Variants in RNF24 observed in about 807,000 individuals in gnomAD.
RNF24 encodes ring finger protein 24.
In RNF24, 14 loss-of-function variants were observed where a neutral mutation model predicts 20.0. The ratio of observed to expected loss-of-function variants is 0.70; its 90% CI spans 0.46 to 1.10. The LOEUF (loss-of-function observed/expected upper bound fraction) is 1.10. Among genes scored for constraint, RNF24 ranks in the 50% least tolerant of loss-of-function variants. RNF24 has a pLI of 0.00. For missense variants in RNF24, 124 were observed against 177.6 expected, an observed-to-expected ratio of 0.70 and a Z score of 1.71; for synonymous variants, 45 against 61.1, an observed-to-expected ratio of 0.74 and a Z score of 1.23.
chr20:3,984,269 G>A (rs1225195622), intron 1 of RNF24, among the ~76,000 whole-genome samples: 1 of 151,966 alleles, frequency 6.6e-6, no homozygotes, highest in Non-Finnish European at 1.5e-5. Flanking sequence ...GAAAGCTTTT[G>A]GCAAATTAGA....
chr20:3,978,651 G>A (rs1979109207), intron 1 of RNF24, among the ~76,000 whole-genome samples: 1 of 151,814 alleles, frequency 6.6e-6, no homozygotes, highest in Non-Finnish European at 1.5e-5. Context: ...AAATATAGCA[G>A]GCAAGTATAA....
chr20:3,949,509 A>T (rs1452137938), intron 2 of RNF24, among the ~76,000 whole-genome samples: 2 of 151,910 alleles, frequency 1.3e-5, no homozygotes, highest in African/African-American at 4.8e-5. Context: ...AATAAGGCAA[A>T]ACCTCATCTG....
intron 1 of RNF24, among the ~76,000 whole-genome samples, chr20:3,998,584 A>G (rs1239321780): frequency 2.1e-5 from 3 of 143,200 alleles, no homozygotes; most frequent in Admixed American, 2.1e-4. Flanking sequence ...CAAAAAAAAA[A>G]AAAAAAAAAA....
intron 1 of RNF24, 45 bp from the exon 2 acceptor site, chr20:3,964,069 G>T: frequency 6.4e-7 from 1 of 1,565,452 alleles, no homozygotes; most frequent in Non-Finnish European, 8.8e-7. Flanking sequence ...TAAAGACTAA[G>T]AACCAAGACA....
chr20:3,997,271 T>C (rs1255450232), intron 1 of RNF24, among the ~76,000 whole-genome samples: 2 of 151,876 alleles, frequency 1.3e-5, no homozygotes, highest in Non-Finnish European at 2.9e-5. Context: ...TTTAATCTTA[T>C]TTTAAGCCAC....
chr20:3,983,310 ACTTTT>A (rs941377517), intron 1 of RNF24, among the ~76,000 whole-genome samples: 9 of 152,014 alleles, frequency 5.9e-5, no homozygotes, highest in Non-Finnish European at 1.2e-4. Context: ...CAGGTTTTGG[ACTTTT>A]CTTTAGTTTA....
chr20:3,941,999 A>G (rs1480122533), intron 4 of RNF24, among the ~76,000 whole-genome samples: 1 of 150,886 alleles, frequency 6.6e-6, no homozygotes, highest in Non-Finnish European at 1.5e-5. Flanking sequence ...GCTTGAACCC[A>G]GGAGGCGGAG....
At position 3,929,210 on chromosome 20, in the gene RNF24, C is replaced by CA. The variant is rs2090781101; in HGVS notation, c.*4852dup. ...AGAGTGAGGAGGCCAGCCTGGGCAA[C>CA]ATAGTGAGTTGAGACCTGTCTCTAC... On this transcript the variant is annotated 3_prime_UTR_variant, in exon 6 of 6. Coordinates refer to ENST00000358395, the MANE Select transcript of RNF24 (RefSeq NM_001134337.3). The CA allele has an allele frequency of 6.6e-6, 1 of 152,244 alleles. No homozygotes were observed. Among genetic ancestry groups the CA allele is most frequent in the Non-Finnish European group, 1.5e-5 (1 of 68,110 alleles). 9.4% of individuals were successfully genotyped at this position (152,244 alleles called of 1,614,324 possible).
Position 3,994,040 on chromosome 20 carries a change from C to T in RNF24, c.-8+21397G>A, listed in dbSNP as rs140362405. ...ATATTCTTTTTCTGTTCTAGGATCCCACATTGCATTAATTGTATCTCTTTA... is the reference window on the plus strand; with the variant it reads ...ATATTCTTTTTCTGTTCTAGGATCCTACATTGCATTAATTGTATCTCTTTA... On this transcript the variant is annotated intron_variant, in intron 1 of 5. Coordinates refer to ENST00000358395, the MANE Select transcript of RNF24 (RefSeq NM_001134337.3). Among the ~76,000 whole-genome samples, 696 of 152,274 alleles carry T rather than the reference C, an allele frequency of 4.6e-3. 15 individuals are homozygous for T. Among genetic ancestry groups the T allele is most frequent in the Admixed American group, 0.03 (454 of 15,294 alleles).
chr20:3,934,838 C>G lies in RNF24; in HGVS notation c.308+156G>C, dbSNP rs2090870754. Among the ~76,000 whole-genome samples, 1 of 152,156 alleles carries G rather than the reference C, an allele frequency of 6.6e-6. No individual in the cohort carries two copies. ...GCTGTCTCCTAATGTCACGCACACA[C>G]ACACACATCCCACCTGTAGGGTGCT... On this transcript the variant is annotated intron_variant, in intron 5 of 5. Transcript: ENST00000358395. The surrounding 1 kb of genome is among the most constrained non-coding windows in gnomAD (Gnocchi z 4.0).
intron 1 of RNF24, among the ~76,000 whole-genome samples, chr20:3,968,897 T>A (rs1370791961): frequency 2.0e-5 from 3 of 151,748 alleles, no homozygotes; most frequent in Admixed American, 2.0e-4. Flanking sequence ...AAAACTGTGA[T>A]AAGTTTCCAA....
intron 1 of RNF24, among the ~76,000 whole-genome samples, chr20:3,987,688 T>G (rs1052703680): frequency 6.6e-6 from 1 of 152,220 alleles, no homozygotes; most frequent in Non-Finnish European, 1.5e-5. Context: ...AATCCCATAA[T>G]AGAGGATTCG....
At chr20:3,949,064 G>C (rs1014110947) in intron 2 of RNF24, among the ~76,000 whole-genome samples, 4 of 152,158 alleles carry the variant, frequency 2.6e-5, no homozygotes, top group Admixed American at 1.3e-4. Context: ...ATATACCCGG[G>C]AGTAGAACTG....
rs534095683 is a variant in RNF24, at chr20:3,965,667, G to T, written c.-7-1643C>A. On this transcript the variant is annotated intron_variant, in intron 1 of 5. Transcript: ENST00000358395. ...AAATATACATAGCACATACGCTGTGGAGCTATTAGAAAATTACAGGGCACA... is the reference window on the plus strand; with the variant it reads ...AAATATACATAGCACATACGCTGTGTAGCTATTAGAAAATTACAGGGCACA... Among the ~76,000 whole-genome samples, 42 of 152,292 alleles carry T rather than the reference G, an allele frequency of 2.8e-4. No individual in the cohort carries two copies. The South Asian group carries it at 8.7e-3, about 32-fold the overall frequency.
chr20:3,930,036 A>G lies in RNF24; in HGVS notation c.*4027T>C, dbSNP rs1277371870. 6.6e-6 allele frequency: 1 copy of G among 152,182 alleles called. No homozygotes were observed. Among genetic ancestry groups the G allele is most frequent in the Non-Finnish European group, 1.5e-5 (1 of 68,036 alleles). 9.4% of individuals were successfully genotyped at this position (152,182 alleles called of 1,614,324 possible). On this transcript the variant is annotated 3_prime_UTR_variant, in exon 6 of 6. Transcript: ENST00000358395. ...GTAGAAAAGGAGAAAAATTATATAG[A>G]CACACATACACATGTGTGTACATGC...
chr20:3,957,374 C>T (rs1319246154), intron 2 of RNF24, among the ~76,000 whole-genome samples: 1 of 150,828 alleles, frequency 6.6e-6, no homozygotes, highest in Non-Finnish European at 1.5e-5. Flanking sequence ...GGTAGGATTG[C>T]TTGAGCCTGG....
At position 3,934,979 on chromosome 20, in the gene RNF24, C is replaced by T; in HGVS notation, c.308+15G>A. ...AAACTCGGGTCCCATTAAGTAATTC[C>T]ATACCAATACTTACTTTCTGTGGAA... On this transcript the variant is annotated intron_variant, in intron 5 of 5. Transcript: ENST00000358395. The surrounding 1 kb of genome is among the most constrained non-coding windows in gnomAD (Gnocchi z 4.0). 2 of 1,609,014 alleles carry T rather than the reference C, an allele frequency of 1.2e-6. No homozygotes were observed. Among genetic ancestry groups the T allele is most frequent in the African/African-American group, 2.7e-5 (2 of 74,956 alleles).
chr20:4,013,383 A>C (rs1982617711), intron 1 of RNF24, among the ~76,000 whole-genome samples: 1 of 152,238 alleles, frequency 6.6e-6, no homozygotes, highest in African/African-American at 2.4e-5. Context: ...ATTACAGAGA[A>C]TCTTAAAGAA....
intron 2 of RNF24, among the ~76,000 whole-genome samples, chr20:3,959,485 A>T (rs1308881340): frequency 6.6e-6 from 1 of 152,192 alleles, no homozygotes; most frequent in African/African-American, 2.4e-5. Flanking sequence ...TTATTAAAAC[A>T]TAATACACAA....
Sources: gnomAD v4.1 joint callset for allele counts (sites outside exome capture counted in the v4.1 genomes callset) on GRCh38, gnomAD v4.1.1 for gene constraint, Gnocchi (gnomAD v3.1) non-coding constraint, MANE v1.5 for transcripts, NCBI Gene and HGNC (gene_info 2026-07-23, HGNC 2026-07-21) for gene names.